TMEM200A: variants seen among roughly 807,000 people sequenced by gnomAD.
TMEM200A encodes the protein two transmembrane C.
In TMEM200A, 12 loss-of-function variants were observed where a neutral mutation model predicts 24.3. The ratio of observed to expected loss-of-function variants is 0.49; its 90% CI spans 0.32 to 0.80. TMEM200A has a LOEUF of 0.80. TMEM200A is among the 30% of genes least tolerant of loss of function. TMEM200A has a pLI of 0.04. For synonymous variants in TMEM200A, 224 were observed against 224.4 expected (o/e 1.00, Z 0.02); for missense variants, 545 against 614.4 (o/e 0.89, Z 1.19).
Position 130,390,424 on chromosome 6 carries a change from A to T in TMEM200A, c.-17+5188A>T, listed in dbSNP as rs184065400. Among the ~76,000 whole-genome samples the T allele has an allele frequency of 7.3e-4, 111 of 152,338 alleles. 2 individuals are homozygous for T. Among genetic ancestry groups the T allele is most frequent in the Non-Finnish European group, 1.3e-3 (91 of 68,028 alleles). On this transcript the variant is annotated intron_variant, in intron 2 of 2. Transcript: ENST00000296978. ...ACACGTTGTGTATCAGAGCAGCCCTATGTGGGCTACAGTATGTCATTTAAT... is the reference window on the plus strand; with the variant it reads ...ACACGTTGTGTATCAGAGCAGCCCTTTGTGGGCTACAGTATGTCATTTAAT...
chr6:130,390,837 G>A (rs1778816377), intron 2 of TMEM200A, among the ~76,000 whole-genome samples: 1 of 152,166 alleles, frequency 6.6e-6, no homozygotes, highest in Non-Finnish European at 1.5e-5. Flanking sequence ...TCACTGCTCT[G>A]CTCTCTGTCA....
intron 2 of TMEM200A, among the ~76,000 whole-genome samples, chr6:130,391,894 C>T (rs967050978): frequency 5.9e-5 from 9 of 152,028 alleles, no homozygotes; most frequent in Non-Finnish European, 5.9e-5. Context: ...GGGTGCCCGC[C>T]ACCATGCCCG....
intron 1 of TMEM200A, among the ~76,000 whole-genome samples, chr6:130,372,404 G>T (rs1233524387): frequency 6.6e-6 from 1 of 152,080 alleles, no homozygotes; most frequent in African/African-American, 2.4e-5. Context: ...ATTATGCAGG[G>T]TAGATACGTC....
chr6:130,426,228 CCCAGCT>C (rs1270931484), intron 2 of TMEM200A, among the ~76,000 whole-genome samples: 4 of 152,118 alleles, frequency 2.6e-5, no homozygotes, highest in Non-Finnish European at 5.9e-5. Flanking sequence ...CACTACCTCG[CCCAGCT>C]CCAGCCTTAA....
intron 2 of TMEM200A, among the ~76,000 whole-genome samples, chr6:130,426,112 A>G (rs1779732384): frequency 6.6e-6 from 1 of 152,192 alleles, no homozygotes; most frequent in Non-Finnish European, 1.5e-5. Flanking sequence ...AGGGATTGTA[A>G]TGCTTTGAAG....
At chr6:130,383,044 TG>T in intron 1 of TMEM200A, 16 of 985,346 alleles carry the variant, frequency 1.6e-5, no homozygotes, top group Non-Finnish European at 1.9e-5. Context: ...GATGTTACAC[TG>T]TGTTTGTGAC....
At chr6:130,417,913 C>T (rs955947667) in intron 2 of TMEM200A, among the ~76,000 whole-genome samples, 44 of 152,266 alleles carry the variant, frequency 2.9e-4, no homozygotes, top group Admixed American at 2.7e-3. Context: ...TTCGCTTGCT[C>T]TTAATTTGCA....
intron 2 of TMEM200A, among the ~76,000 whole-genome samples, chr6:130,428,027 G>C (rs1779788914): frequency 6.6e-6 from 1 of 152,080 alleles, no homozygotes; most frequent in Non-Finnish European, 1.5e-5. Context: ...TGTATGTATG[G>C]TGTTTTTACA....
chr6:130,387,866 C>T (rs981660342), intron 2 of TMEM200A, among the ~76,000 whole-genome samples: 1 of 152,184 alleles, frequency 6.6e-6, no homozygotes, highest in South Asian at 2.1e-4. Context: ...TGTCTTTTCT[C>T]TTAAAAAGCT....
chr6:130,427,570 A>T (rs1194508340), intron 2 of TMEM200A, among the ~76,000 whole-genome samples: 1 of 152,152 alleles, frequency 6.6e-6, no homozygotes, highest in African/African-American at 2.4e-5. Context: ...GGCAGTCAGC[A>T]GGCAGGGGGT....
chr6:130,391,072 C>A (rs1778821614), intron 2 of TMEM200A, among the ~76,000 whole-genome samples: 1 of 152,232 alleles, frequency 6.6e-6, no homozygotes, highest in African/African-American at 2.4e-5. Context: ...ATACATACAG[C>A]AGTCACTGCT....
chr6:130,391,031 G>A (rs1156995491), intron 2 of TMEM200A, among the ~76,000 whole-genome samples: 1 of 152,142 alleles, frequency 6.6e-6, no homozygotes, highest in East Asian at 1.9e-4. Context: ...TCCTCTGCGG[G>A]ACAAAAATGC....
chr6:130,418,094 T>C (rs1033263690), intron 2 of TMEM200A, among the ~76,000 whole-genome samples: 20 of 152,060 alleles, frequency 1.3e-4, no homozygotes, highest in Admixed American at 1.2e-3. Flanking sequence ...CTAACCACAT[T>C]CACCTCTTGG....
At chr6:130,430,681 A>G (rs73771835) in intron 2 of TMEM200A, among the ~76,000 whole-genome samples, 66 of 152,264 alleles carry the variant, frequency 4.3e-4, no homozygotes, top group African/African-American at 1.6e-3. Flanking sequence ...TACAAGTGGA[A>G]TAGATCATTC....
intron 2 of TMEM200A, among the ~76,000 whole-genome samples, chr6:130,402,091 AG>A (rs1342474096): frequency 6.6e-6 from 1 of 151,728 alleles, no homozygotes; most frequent in Non-Finnish European, 1.5e-5. Flanking sequence ...AAAAACCTTA[AG>A]GCTTTTGGTT....
intron 2 of TMEM200A, among the ~76,000 whole-genome samples, chr6:130,396,091 CT>C (rs1478119478): frequency 6.6e-6 from 1 of 152,042 alleles, no homozygotes. Flanking sequence ...ATTATTTTTT[CT>C]TTTTGCCTAA....
intron 2 of TMEM200A, among the ~76,000 whole-genome samples, chr6:130,386,252 T>G (rs1778709627): frequency 6.6e-6 from 1 of 151,960 alleles, no homozygotes. Flanking sequence ...AGAGGAAGGG[T>G]CGGGGTATGT....
intron 1 of TMEM200A, among the ~76,000 whole-genome samples, chr6:130,376,349 C>G (rs1374042380): frequency 6.6e-6 from 1 of 152,166 alleles, no homozygotes. Context: ...TGGCTCACTG[C>G]AACCTCTGCC....
intron 2 of TMEM200A, among the ~76,000 whole-genome samples, chr6:130,397,528 TTA>T (rs1778979949): frequency 6.6e-6 from 1 of 152,102 alleles, no homozygotes; most frequent in Non-Finnish European, 1.5e-5. Context: ...GGAGTCTATT[TTA>T]TATGTTAATG....
Sources: gnomAD v4.1 joint callset for allele counts (sites outside exome capture counted in the v4.1 genomes callset) on GRCh38, gnomAD v4.1.1 for gene constraint, MANE v1.5 for transcripts, NCBI Gene and HGNC (gene_info 2026-07-23, HGNC 2026-07-21) for gene names.